The following DPP6 variants were observed in gnomAD, a reference collection of about 807,000 sequenced individuals.
DPP6 encodes the protein A-type potassium channel modulatory protein DPP6.
DPP6 carries 69 observed loss-of-function variants against 122.6 expected under a neutral mutation model. The ratio of observed to expected loss-of-function variants is 0.56; its 90% CI spans 0.46 to 0.69. The LOEUF (loss-of-function observed/expected upper bound fraction) is 0.69. Ranked by LOEUF, DPP6 falls within the 30% of genes least tolerant of loss-of-function variation. DPP6 has a pLI of 0.00. For missense variants in DPP6, 928 were observed against 1,116.9 expected (o/e 0.83, Z 2.41); for synonymous variants, 418 against 433.1 (o/e 0.97, Z 0.43).
chr7:154,705,356 T>C (rs1243216214), intron 7 of DPP6, among the ~76,000 whole-genome samples: 1 of 152,198 alleles, frequency 6.6e-6, no homozygotes, highest in Non-Finnish European at 1.5e-5. Flanking sequence ...CTATTTTCCT[T>C]TCCTGCTTTC....
At chr7:154,285,260 T>C (rs1804775037) in intron 1 of DPP6, among the ~76,000 whole-genome samples, 3 of 151,258 alleles carry the variant, frequency 2.0e-5, no homozygotes, top group Non-Finnish European at 3.0e-5. Flanking sequence ...TCATACTAGT[T>C]TGTTGTTGTT....
intron 1 of DPP6, among the ~76,000 whole-genome samples, chr7:154,176,699 C>T (rs936447794): frequency 1.1e-4 from 16 of 152,208 alleles, no homozygotes; most frequent in African/African-American, 3.6e-4. Flanking sequence ...TCAACCCTGC[C>T]CTGACCACCT....
chr7:154,248,819 T>C (rs1008115342), intron 1 of DPP6, among the ~76,000 whole-genome samples: 5 of 151,912 alleles, frequency 3.3e-5, no homozygotes, highest in African/African-American at 1.2e-4. Context: ...TGAGCCGAGA[T>C]TGCGCCACTG....
chr7:154,296,782 CTT>C (rs368016924), intron 1 of DPP6, among the ~76,000 whole-genome samples: 15 of 152,302 alleles, frequency 9.8e-5, no homozygotes, highest in Non-Finnish European at 1.5e-4. Context: ...TTGGTGAACT[CTT>C]TGAATGCTTT....
rs1445023388 is a variant in DPP6 at position 154,821,712 on chromosome 7, A to G, written c.1666+14600A>G. Among the ~76,000 whole-genome samples the G allele has an allele frequency of 6.7e-6, 1 of 150,370 alleles. No homozygotes were observed. Among genetic ancestry groups the G allele is most frequent in the East Asian group, 1.9e-4 (1 of 5,170 alleles). On this transcript the variant is annotated intron_variant, in intron 16 of 25. Transcript: ENST00000377770. The surrounding 1 kb of genome is among the most constrained non-coding windows in gnomAD (Gnocchi z 4.2). ...TATATATATACACACACACATATAT[A>G]TATACAGAAAAAACATGGTGTTTTG...
upstream of DPP6, among the ~76,000 whole-genome samples, chr7:154,051,491 C>A (rs1800313680): frequency 6.7e-6 from 1 of 149,628 alleles, no homozygotes; most frequent in Non-Finnish European, 1.5e-5. Flanking sequence ...AGCGGAGGAG[C>A]GGAGCCCGCT....
In DPP6 at chr7:154,620,969, T is replaced by C. The variant is rs114704385; in HGVS notation, c.628-16852T>C. Among the ~76,000 whole-genome samples the C allele has an allele frequency of 3.2e-3, 492 of 152,328 alleles. 1 individual carries two copies. The highest frequency in any genetic ancestry group is 0.011 in the African/African-American group (441 of 41,582). ...ACTGATGCTTTTCTTTAGAATGCCA[T>C]ACACTTGAAATCTTCTAAGACTACA... On this transcript the variant is annotated intron_variant, in intron 5 of 25. Coordinates refer to ENST00000377770, the MANE Select transcript of DPP6 (RefSeq NM_130797.4).
chr7:154,780,942 T>C (rs1796984988), intron 10 of DPP6, among the ~76,000 whole-genome samples: 1 of 151,954 alleles, frequency 6.6e-6, no homozygotes, highest in Non-Finnish European at 1.5e-5. Context: ...AATAGGTGGA[T>C]AGATGGATAA....
At chr7:154,265,734 A>G (rs1338514862) in intron 1 of DPP6, among the ~76,000 whole-genome samples, 1 of 152,074 alleles carries the variant, frequency 6.6e-6, no homozygotes, top group Non-Finnish European at 1.5e-5. Flanking sequence ...AAAATATTTT[A>G]TTATATTGTA....
intron 8 of DPP6, among the ~76,000 whole-genome samples, chr7:154,768,886 C>T (rs976482396): frequency 6.6e-6 from 1 of 152,178 alleles, no homozygotes; most frequent in Admixed American, 6.5e-5. Flanking sequence ...AAGGAGCATG[C>T]TGGGCCTTTG....
At chr7:154,815,891 G>T (rs1799397096) in intron 16 of DPP6, among the ~76,000 whole-genome samples, 1 of 152,162 alleles carries the variant, frequency 6.6e-6, no homozygotes, top group Non-Finnish European at 1.5e-5. Flanking sequence ...TCTCCAAGTT[G>T]AGTGGAACCA....
In DPP6 at chr7:154,276,623, G is replaced by T. The variant is rs1563403530; in HGVS notation, c.244-169591G>T. Among the ~76,000 whole-genome samples the T allele has an allele frequency of 2.0e-5, 3 of 152,306 alleles. No homozygotes were observed. In the East Asian group the frequency reaches 5.8e-4, roughly 29 times the overall value. On this transcript the variant is annotated intron_variant, in intron 1 of 25. Transcript: ENST00000377770. ...TCAGCTTTAAGTGAGGAGCAAGACA[G>T]AATAGTGATGGTGAGCCCTGGAGAT...
At chr7:154,559,877 C>G (rs919172809) in intron 4 of DPP6, among the ~76,000 whole-genome samples, 1 of 149,028 alleles carries the variant, frequency 6.7e-6, no homozygotes, top group Non-Finnish European at 1.5e-5. Context: ...TGCACCCCAG[C>G]CTGGGCAACA....
intron 5 of DPP6, among the ~76,000 whole-genome samples, chr7:154,634,501 T>G (rs1221722491): frequency 6.6e-6 from 1 of 152,182 alleles, no homozygotes; most frequent in Admixed American, 6.5e-5. Context: ...GCCTTTCTTA[T>G]AGGCGATTCC....
chr7:154,374,931 A>T, intron 1 of DPP6, among the ~76,000 whole-genome samples: 1 of 152,140 alleles, frequency 6.6e-6, no homozygotes, highest in Non-Finnish European at 1.5e-5. Flanking sequence ...GTTTTAATTA[A>T]TTCTTTCAAC....
At position 154,521,802 on chromosome 7, in the gene DPP6, A is replaced by G. The variant is rs1012201109; in HGVS notation, c.458-18730A>G. 5.3e-5 allele frequency among the ~76,000 whole-genome samples: 8 copies of G among 152,170 alleles called. No homozygotes were observed. The South Asian group carries it at 1.5e-3, about 28-fold the overall frequency. ...AATGTAATAACCCTCCTCTCAGTCT[A>G]TCCACACACGCTTACCCATTTCAGC... On this transcript the variant is annotated intron_variant, in intron 3 of 25. Coordinates refer to ENST00000377770, the MANE Select transcript of DPP6 (RefSeq NM_130797.4).
In DPP6 at chr7:154,893,652, A is replaced by G. The variant is rs1806829313; in HGVS notation, c.*1172A>G. The G allele has an allele frequency of 6.6e-6, 1 of 151,846 alleles. No homozygotes were observed. Among genetic ancestry groups the G allele is most frequent in the South Asian group, 2.1e-4 (1 of 4,812 alleles). 9.4% of individuals were successfully genotyped at this position (151,846 alleles called of 1,614,324 possible). A position where few individuals can be genotyped will look rare whatever the true frequency, so the allele number is the denominator to read the frequency against. On this transcript the variant is annotated 3_prime_UTR_variant, in exon 26 of 26. Coordinates refer to ENST00000377770, the MANE Select transcript of DPP6 (RefSeq NM_130797.4). ...GATGATGTGCTACGTTAGCCTTGTAAGATACACCCCCACCAAATGTGCAGC... is the reference window on the plus strand; with the variant it reads ...GATGATGTGCTACGTTAGCCTTGTAGGATACACCCCCACCAAATGTGCAGC...
chr7:154,797,084 T>C (rs1242953362), intron 12 of DPP6, among the ~76,000 whole-genome samples: 2 of 152,304 alleles, frequency 1.3e-5, no homozygotes, highest in African/African-American at 4.8e-5. Context: ...ATATCAAAAA[T>C]AGTATTGTGA....
intron 8 of DPP6, among the ~76,000 whole-genome samples, chr7:154,741,967 C>A (rs1384428682): frequency 6.6e-6 from 1 of 152,240 alleles, no homozygotes; most frequent in Non-Finnish European, 1.5e-5. Context: ...GATATTCCAA[C>A]ACCTGACAGT....
Sources: gnomAD v4.1 joint callset for allele counts (sites outside exome capture counted in the v4.1 genomes callset) on GRCh38, gnomAD v4.1.1 for gene constraint, Gnocchi (gnomAD v3.1) non-coding constraint, MANE v1.5 for transcripts, NCBI Gene and HGNC (gene_info 2026-07-23, HGNC 2026-07-21) for gene names.